Variants in RPS6KA2 observed in about 807,000 individuals in gnomAD.
The protein encoded by RPS6KA2 is ribosomal protein S6 kinase alpha-2.
In RPS6KA2, 42 loss-of-function variants were observed where a neutral mutation model predicts 91.8. That is an observed-to-expected ratio of 0.46 (90% CI 0.36 to 0.59). The LOEUF is 0.59. RPS6KA2 is among the 20% of genes least tolerant of loss of function. The pLI, the probability that RPS6KA2 is intolerant of heterozygous loss-of-function variation, is 0.00. For missense variants in RPS6KA2, 798 were observed against 978.5 expected, an observed-to-expected ratio of 0.82 and a Z score of 2.46; for synonymous variants, 414 against 393.6, an observed-to-expected ratio of 1.05 and a Z score of -0.61.
chr6:166,567,226 C>G (rs956921409), intron 1 of RPS6KA2, among the ~76,000 whole-genome samples: 1 of 152,178 alleles, frequency 6.6e-6, no homozygotes, highest in Non-Finnish European at 1.5e-5. Flanking sequence ...ATGTTCTTTC[C>G]TAAGTGGGAT....
chr6:166,862,216 G>A (rs1427265086), exon 1 of RPS6KA2: 5 of 1,613,474 alleles, frequency 3.1e-6, no homozygotes, highest in Non-Finnish European at 4.2e-6. Context: ...TAGTAGGAAA[G>A]GAAATAAACA....
chr6:166,826,394 G>A (rs942504277), intron 2 of RPS6KA2, among the ~76,000 whole-genome samples: 1 of 152,162 alleles, frequency 6.6e-6, no homozygotes, highest in African/African-American at 2.4e-5. Context: ...TGAGCACTTT[G>A]CTCACACTGT....
At chr6:166,427,075 C>G (rs1388858525) in intron 16 of RPS6KA2, among the ~76,000 whole-genome samples, 1 of 152,180 alleles carries the variant, frequency 6.6e-6, no homozygotes, top group Non-Finnish European at 1.5e-5. Flanking sequence ...AAACCGAATC[C>G]AGCAGCATAT....
chr6:166,429,728 C>G (rs58031677), intron 16 of RPS6KA2, among the ~76,000 whole-genome samples: 20,931 of 152,036 alleles, frequency 0.14, 4,560 homozygotes, highest in African/African-American at 0.47. Context: ...TGGGATTACA[C>G]GTATGAGCCA....
At chr6:166,546,398 C>T (rs1015526390) in intron 1 of RPS6KA2, among the ~76,000 whole-genome samples, 10 of 152,152 alleles carry the variant, frequency 6.6e-5, no homozygotes, top group Admixed American at 3.9e-4. Context: ...GGTAAAAACC[C>T]GGTGACAGTG....
At chr6:166,860,070 G>A (rs1781008509) in intron 1 of RPS6KA2, among the ~76,000 whole-genome samples, 1 of 152,132 alleles carries the variant, frequency 6.6e-6, no homozygotes, top group South Asian at 2.1e-4. Flanking sequence ...CATAAAACAT[G>A]GACAAAACTA....
chr6:166,858,892 G>A (rs1329001621), intron 1 of RPS6KA2, among the ~76,000 whole-genome samples: 1 of 152,202 alleles, frequency 6.6e-6, no homozygotes, highest in Non-Finnish European at 1.5e-5. Context: ...GCCTAGAGAT[G>A]TGGGGAGAGC....
In RPS6KA2 at chr6:166,430,500, C is replaced by T. The variant is rs1193743329; in HGVS notation, c.1534G>A (p.Val512Ile). Residue 512 changes from valine to isoleucine, a missense_variant, in exon 16 of 21, where the codon GTC (valine) becomes ATC (isoleucine). Physicochemically the swap from Val to Ile is conservative, Grantham distance 29 (BLOSUM62 3). Transcript: ENST00000265678. ...RYFSEREASD[V>I]LCTITKTMDY... The stretch of plus-strand genomic sequence containing the variant: ...ATGGTCTTGGTGATGGTGCACAGGA[C>T]GTCACTGGCTTCGCGCTCCGAGAAG... 7 of 1,614,022 alleles carry T rather than the reference C, an allele frequency of 4.3e-6. No homozygotes were observed. Among genetic ancestry groups the T allele is most frequent in the African/African-American group, 4.0e-5 (3 of 74,918 alleles).
intron 2 of RPS6KA2, among the ~76,000 whole-genome samples, chr6:166,822,255 G>C (rs562305783): frequency 6.6e-6 from 1 of 152,336 alleles, no homozygotes; most frequent in East Asian, 1.9e-4. Context: ...GCCTCAGAAT[G>C]TGCCTGTGTC....
intron 1 of RPS6KA2, among the ~76,000 whole-genome samples, chr6:166,616,144 T>TG (rs1786402964): frequency 1.3e-5 from 2 of 152,162 alleles, no homozygotes. Flanking sequence ...CCATGCCACC[T>TG]GAGAGCCCCC....
intron 2 of RPS6KA2, among the ~76,000 whole-genome samples, chr6:166,750,724 A>G (rs1043043120): frequency 6.6e-6 from 1 of 152,314 alleles, no homozygotes; most frequent in East Asian, 1.9e-4. Context: ...TTGCCACGGA[A>G]GTCTCCAGCC....
At chr6:166,430,842 CTGAG>C (rs1779102585) in intron 15 of RPS6KA2, among the ~76,000 whole-genome samples, 1 of 152,138 alleles carries the variant, frequency 6.6e-6, no homozygotes, top group African/African-American at 2.4e-5. Context: ...TAAGCAGGGA[CTGAG>C]TAAGGACATA....
chr6:166,489,170 ATTTCC>A (rs1451870794), intron 9 of RPS6KA2, among the ~76,000 whole-genome samples: 1 of 152,206 alleles, frequency 6.6e-6, no homozygotes, highest in Non-Finnish European at 1.5e-5. Flanking sequence ...TATAATTTCC[ATTTCC>A]TAATTCACTT....
At chr6:166,796,030 G>A (rs1779213797) in intron 2 of RPS6KA2, among the ~76,000 whole-genome samples, 1 of 152,222 alleles carries the variant, frequency 6.6e-6, no homozygotes, top group South Asian at 2.1e-4. Context: ...ACAGAAAGAA[G>A]CCTTCTCAGA....
intron 2 of RPS6KA2, among the ~76,000 whole-genome samples, chr6:166,718,898 T>A (rs1422807226): frequency 2.0e-5 from 3 of 152,232 alleles, no homozygotes; most frequent in Non-Finnish European, 4.4e-5. Flanking sequence ...AGGTTAAAAG[T>A]CTAACCATTA....
At chr6:166,597,421 T>C (rs1785572335) in intron 1 of RPS6KA2, among the ~76,000 whole-genome samples, 1 of 151,984 alleles carries the variant, frequency 6.6e-6, no homozygotes. Context: ...CATTTGAGCA[T>C]CTCTACAGGA....
chr6:166,861,589 C>G (rs1781048168), intron 1 of RPS6KA2, among the ~76,000 whole-genome samples: 1 of 152,228 alleles, frequency 6.6e-6, no homozygotes, highest in Non-Finnish European at 1.5e-5. Flanking sequence ...TATCTTTAAT[C>G]ACACCTCTTT....
At chr6:166,499,399 G>A (rs55675210) in intron 7 of RPS6KA2, among the ~76,000 whole-genome samples, 10,698 of 152,280 alleles carry the variant, frequency 0.07, 529 homozygotes, top group African/African-American at 0.14. Flanking sequence ...CACCTTATGT[G>A]GCAGAAGGGA....
chr6:166,776,878 G>C (rs1429600257), intron 2 of RPS6KA2, among the ~76,000 whole-genome samples: 1 of 152,206 alleles, frequency 6.6e-6, no homozygotes, highest in African/African-American at 2.4e-5. Flanking sequence ...AAACAAGTGT[G>C]TGCGTATTTT....
Sources: gnomAD v4.1 joint callset for allele counts (sites outside exome capture counted in the v4.1 genomes callset) on GRCh38, gnomAD v4.1.1 for gene constraint, MANE v1.5 for transcripts, NCBI Gene and HGNC (gene_info 2026-07-23, HGNC 2026-07-21) for gene names.